SOD1: variants seen among roughly 807,000 people sequenced by gnomAD.
SOD1 encodes the protein superoxide dismutase [Cu-Zn].
SOD1 carries 8 observed loss-of-function variants against 15.9 expected under a neutral mutation model. The observed-to-expected ratio is 0.50, with a 90% CI of 0.30 to 0.91. SOD1 has a LOEUF of 0.91. Ranked by LOEUF, SOD1 falls within the 40% of genes least tolerant of loss-of-function variation. The pLI is 0.07. For missense variants in SOD1, 137 were observed against 194.5 expected (o/e 0.70, Z 1.76); for synonymous variants, 86 against 71.2 (o/e 1.21, Z -1.04).
intron 1 of SOD1, among the ~76,000 whole-genome samples, chr21:31,662,850 T>C (rs2049559789): frequency 6.6e-6 from 1 of 151,872 alleles, no homozygotes; most frequent in African/African-American, 2.4e-5. Context: ...CCGTCTCTAC[T>C]AAAAATGCAA....
intron 2 of SOD1, among the ~76,000 whole-genome samples, chr21:31,665,528 T>C (rs1460039907): frequency 6.6e-6 from 1 of 152,154 alleles, no homozygotes; most frequent in Admixed American, 6.5e-5. Flanking sequence ...CCTGCCTTTC[T>C]CCCTGTGTGG....
chr21:31,659,755 G>A lies in SOD1; in HGVS notation c.-15G>A, dbSNP rs768768369. 1 of 1,613,798 alleles carries A rather than the reference G, an allele frequency of 6.2e-7. No individual in the cohort carries two copies. ...CAGTCCTCGGAACCAGGACCTCGGC[G>A]TGGCCTAGCGAGTTATGGCGACGAA... is the stretch of plus-strand genomic sequence containing the variant. On this transcript the variant is annotated 5_prime_UTR_variant, in exon 1 of 5. In the 5' UTR this introduces an upstream ATG that the reference lacks. Transcript: ENST00000270142.
rs1437832547 is a variant in SOD1, at chr21:31,668,866, C to T, written c.*288C>T. The T allele has an allele frequency of 5.2e-6, 2 of 385,048 alleles. No individual in the cohort carries two copies. The highest frequency in any genetic ancestry group is 4.1e-5 in the African/African-American group (2 of 48,662). The allele number at this position is 385,048 out of a possible 1,614,324, so 23.9% of individuals were successfully genotyped here. On this transcript the variant is annotated 3_prime_UTR_variant, in exon 5 of 5. Transcript: ENST00000270142. ...GTCAGAATTTCTTTGTCATTCAAGC[C>T]TGTGAATAAAAACCCTGTATGGCAC... is the stretch of plus-strand genomic sequence containing the variant.
chr21:31,665,619 A>G (rs1231150261), intron 2 of SOD1, among the ~76,000 whole-genome samples: 1 of 152,140 alleles, frequency 6.6e-6, no homozygotes, highest in Non-Finnish European at 1.5e-5. Flanking sequence ...TGCTCTGTGA[A>G]TGTCATCCCC....
At position 31,668,756 on chromosome 21, in the gene SOD1, G is replaced by A. The variant is rs1247890559; in HGVS notation, c.*178G>A. 8.2e-6 allele frequency: 5 copies of A among 610,382 alleles called. No individual in the cohort carries two copies. Among genetic ancestry groups the A allele is most frequent in the African/African-American group, 5.6e-5 (3 of 53,916 alleles). The allele number at this position is 610,382 out of a possible 1,614,324, so 37.8% of individuals were successfully genotyped here. A position where few individuals can be genotyped will look rare whatever the true frequency, so the allele number is the denominator to read the frequency against. ...TGATTTATGATCACTTGGAAGATTT[G>A]TATAGTTTTATAAAACTCAGTTAAA... On this transcript the variant is annotated 3_prime_UTR_variant, in exon 5 of 5. Coordinates refer to ENST00000270142, the MANE Select transcript of SOD1 (RefSeq NM_000454.5).
intron 1 of SOD1, among the ~76,000 whole-genome samples, chr21:31,661,970 T>C (rs2049552323): frequency 6.6e-6 from 1 of 152,242 alleles, no homozygotes; most frequent in South Asian, 2.1e-4. Flanking sequence ...ATTAATCCAG[T>C]TTTCCTAGCT....
At chr21:31,663,125 C>CTT (rs766108641) in intron 1 of SOD1, among the ~76,000 whole-genome samples, 7 of 114,616 alleles carry the variant, frequency 6.1e-5, no homozygotes, top group South Asian at 3.5e-4. Flanking sequence ...GCGACTTTTT[C>CTT]TTTTTTTTTT....
chr21:31,667,446 G>C, intron 4 of SOD1, 71 bp downstream of exon 4: 2 of 1,107,318 alleles, frequency 1.8e-6, no homozygotes, highest in Non-Finnish European at 2.8e-6. Context: ...CACTTTGATT[G>C]TTAGTCGCGG....
At chr21:31,664,468 T>G (rs914565559) in intron 2 of SOD1, 21 of 166,520 alleles carry the variant, frequency 1.3e-4, no homozygotes, top group Admixed American at 1.0e-3. Flanking sequence ...TGTCTTAAGA[T>G]TTGGTGTAGT....
Position 31,659,828 on chromosome 21 carries a change from A to G in SOD1, c.59A>G (p.Asn20Ser), listed in dbSNP as rs768029813. ...GACGGCCCAGTGCAGGGCATCATCA[A>G]TTTCGAGCAGAAGGCAAGGGCTGGG... is the stretch of plus-strand genomic sequence containing the variant. ...KGDGPVQGIINFEQKESNGPV... is the reference protein window; with the variant it reads ...KGDGPVQGIISFEQKESNGPV... Residue 20 changes from asparagine (N) to serine (S), a missense_variant, in exon 1 of 5, where the codon AAT becomes AGT. Coordinates refer to ENST00000270142, the MANE Select transcript of SOD1 (RefSeq NM_000454.5). The G allele has an allele frequency of 7.5e-5, 121 of 1,613,482 alleles. No individual in the cohort carries two copies. The highest frequency in any genetic ancestry group is 3.3e-4 in the Middle Eastern group (2 of 6,080).
chr21:31,663,037 T>C (rs936220350), intron 1 of SOD1, among the ~76,000 whole-genome samples: 17 of 144,912 alleles, frequency 1.2e-4, no homozygotes, highest in South Asian at 2.2e-4. Flanking sequence ...AAAAAACTTA[T>C]GATGGACACT....
chr21:31,661,979 C>T (rs2049552344), intron 1 of SOD1, among the ~76,000 whole-genome samples: 1 of 152,188 alleles, frequency 6.6e-6, no homozygotes, highest in Non-Finnish European at 1.5e-5. Flanking sequence ...GTTTTCCTAG[C>T]TTCTCTTGAA....
At chr21:31,662,811 G>C (rs2049559387) in intron 1 of SOD1, among the ~76,000 whole-genome samples, 1 of 152,030 alleles carries the variant, frequency 6.6e-6, no homozygotes, top group Admixed American at 6.6e-5. Flanking sequence ...TCAGCAGATG[G>C]AGACCATCCT....
At chr21:31,665,423 T>G (rs1368731342) in intron 2 of SOD1, among the ~76,000 whole-genome samples, 1 of 152,238 alleles carries the variant, frequency 6.6e-6, no homozygotes, top group Admixed American at 6.5e-5. Context: ...TCAGATTTGA[T>G]CCATTTCTGT....
chr21:31,662,456 G>A (rs2049556059), intron 1 of SOD1, among the ~76,000 whole-genome samples: 1 of 152,220 alleles, frequency 6.6e-6, no homozygotes, highest in African/African-American at 2.4e-5. Flanking sequence ...CATGTTGTAT[G>A]ACGGTGTGGT....
In SOD1 at chr21:31,659,730, C is replaced by G; in HGVS notation, c.-40C>G. ...CCTGCAGCGTCTGGGGTTTCCGTTGCAGTCCTCGGAACCAGGACCTCGGCG... is the reference window on the plus strand; with the variant it reads ...CCTGCAGCGTCTGGGGTTTCCGTTGGAGTCCTCGGAACCAGGACCTCGGCG... On this transcript the variant is annotated 5_prime_UTR_variant, in exon 1 of 5. Transcript: ENST00000270142. The G allele has an allele frequency of 1.2e-6, 2 of 1,607,308 alleles. No homozygotes were observed. The highest frequency in any genetic ancestry group is 1.7e-6 in the Non-Finnish European group (2 of 1,174,038).
intron 1 of SOD1, among the ~76,000 whole-genome samples, chr21:31,662,869 G>A (rs996528516): frequency 6.6e-6 from 1 of 152,100 alleles, no homozygotes; most frequent in Non-Finnish European, 1.5e-5. Context: ...AAAAAAATTA[G>A]CCGGGTGTGG....
In SOD1 at chr21:31,667,631, G is replaced by T. The variant is rs560724749; in HGVS notation, c.357+256G>T. On this transcript the variant is annotated intron_variant, in intron 4 of 4. Transcript: ENST00000270142. ...ATATTAGATCTGAGTTTGGAAAACA[G>T]AAGTAGTCTTTAGTTTTAAAATGGC... is the stretch of plus-strand genomic sequence containing the variant. 2.0e-5 allele frequency among the ~76,000 whole-genome samples: 3 copies of T among 152,334 alleles called. No homozygotes were observed. In the East Asian group the frequency reaches 5.8e-4, roughly 29 times the overall value.
chr21:31,666,432 C>A lies in SOD1; in HGVS notation c.170-17C>A. ...TTAATTCATAATTTAGCTTTTTTTT[C>A]TTCTTCTTATAAATAGGCTGTACCA... On this transcript the variant is annotated splice_polypyrimidine_tract_variant and intron_variant, in intron 2 of 4. Coordinates refer to ENST00000270142, the MANE Select transcript of SOD1 (RefSeq NM_000454.5). 6.3e-7 allele frequency: 1 copy of A among 1,588,356 alleles called. No homozygotes were observed. Among genetic ancestry groups the A allele is most frequent in the Non-Finnish European group, 8.6e-7 (1 of 1,158,828 alleles).
Sources: gnomAD v4.1 joint callset for allele counts (sites outside exome capture counted in the v4.1 genomes callset) on GRCh38, gnomAD v4.1.1 for gene constraint, MANE v1.5 for transcripts, NCBI Gene and HGNC (gene_info 2026-07-23, HGNC 2026-07-21) for gene names.